The following RHEB variants were observed in gnomAD, a reference collection of about 807,000 sequenced individuals.
RHEB encodes the protein GTP-binding protein Rheb.
RHEB carries 2 observed loss-of-function variants against 28.8 expected under a neutral mutation model. The ratio of observed to expected loss-of-function variants is 0.07; its 90% CI spans 0.03 to 0.22. The LOEUF (loss-of-function observed/expected upper bound fraction) is 0.22, where lower values mean the gene tolerates loss of function less well. Among genes scored for constraint, RHEB ranks in the 10% least tolerant of loss-of-function variants. RHEB has a pLI of 1.00. For synonymous variants in RHEB, 69 were observed against 77.3 expected, an observed-to-expected ratio of 0.89 and a Z score of 0.56; for missense variants, 76 against 219.9, an observed-to-expected ratio of 0.35 and a Z score of 4.14.
At chr7:151,511,784 G>A (rs1163361428) in intron 1 of RHEB, among the ~76,000 whole-genome samples, 2 of 151,810 alleles carry the variant, frequency 1.3e-5, no homozygotes, top group Non-Finnish European at 2.9e-5. Flanking sequence ...CCTAGTAGCT[G>A]GGATTACAGG....
At chr7:151,481,317 C>T (rs963125234) in intron 3 of RHEB, among the ~76,000 whole-genome samples, 2 of 151,974 alleles carry the variant, frequency 1.3e-5, no homozygotes, top group Non-Finnish European at 2.9e-5. Flanking sequence ...ATGGATGTAC[C>T]GACATAAACT....
At chr7:151,486,297 G>A (rs1802472554) in intron 2 of RHEB, among the ~76,000 whole-genome samples, 1 of 152,190 alleles carries the variant, frequency 6.6e-6, no homozygotes, top group African/African-American at 2.4e-5. Flanking sequence ...CAAGGTTACT[G>A]AAAGGAAACA....
At chr7:151,487,902 A>C (rs780296461) in intron 2 of RHEB, among the ~76,000 whole-genome samples, 2 of 152,150 alleles carry the variant, frequency 1.3e-5, no homozygotes, top group Non-Finnish European at 2.9e-5. Flanking sequence ...AGGTTTCCAA[A>C]ATTTGGTGTT....
At chr7:151,485,579 C>T (rs1802457396) in intron 2 of RHEB, among the ~76,000 whole-genome samples, 1 of 152,184 alleles carries the variant, frequency 6.6e-6, no homozygotes. Context: ...CACCATGAGT[C>T]CTCCAATCTC....
intron 7 of RHEB, among the ~76,000 whole-genome samples, chr7:151,469,733 G>T (rs1365836909): frequency 6.6e-6 from 1 of 152,206 alleles, no homozygotes; most frequent in Non-Finnish European, 1.5e-5. Context: ...GTGGACAGGA[G>T]ATGGTGTGTT....
intron 4 of RHEB, among the ~76,000 whole-genome samples, chr7:151,474,692 C>A (rs936149798): frequency 6.6e-6 from 1 of 152,064 alleles, no homozygotes; most frequent in Non-Finnish European, 1.5e-5. Flanking sequence ...GATGTATTTT[C>A]GCTTTATTTA....
chr7:151,511,687 T>C (rs1231358725), intron 1 of RHEB, among the ~76,000 whole-genome samples: 1 of 149,532 alleles, frequency 6.7e-6, no homozygotes, highest in East Asian at 2.0e-4. Context: ...TGAGATGGAG[T>C]CTTGCTCTGT....
chr7:151,470,161 G>A (rs1802135030), intron 7 of RHEB: 3 of 153,518 alleles, frequency 2.0e-5, no homozygotes, highest in South Asian at 2.0e-4. Flanking sequence ...CAATTAACAC[G>A]TACGTCTGAC....
chr7:151,474,017 C>T (rs1043780879), intron 4 of RHEB, among the ~76,000 whole-genome samples: 20 of 152,138 alleles, frequency 1.3e-4, no homozygotes, highest in African/African-American at 4.3e-4. Flanking sequence ...ATGGACAAAT[C>T]GTGGATGTAG....
intron 1 of RHEB, among the ~76,000 whole-genome samples, chr7:151,504,736 T>TA: frequency 6.6e-6 from 1 of 152,048 alleles, no homozygotes; most frequent in East Asian, 1.9e-4. Context: ...AACTATAGGA[T>TA]AAAAACCACA....
chr7:151,499,557 C>T (rs1584862037), intron 1 of RHEB, among the ~76,000 whole-genome samples: 1 of 152,094 alleles, frequency 6.6e-6, no homozygotes, highest in Admixed American at 6.5e-5. Context: ...AGCACAGTAC[C>T]TGGCACCCAT....
chr7:151,513,754 G>A lies in RHEB; in HGVS notation c.52+5706C>T, dbSNP rs889491276. Among the ~76,000 whole-genome samples the A allele has an allele frequency of 5.9e-5, 9 of 152,240 alleles. No homozygotes were observed. The East Asian group carries it at 1.5e-3, about 26-fold the overall frequency. ...TTCAACTACCTGAAAAACTATTCAA[G>A]TACTCCTTACTTCATTAAAATAACG... is the stretch of plus-strand genomic sequence containing the variant. On this transcript the variant is annotated intron_variant, in intron 1 of 7. Coordinates refer to ENST00000262187, the MANE Select transcript of RHEB (RefSeq NM_005614.4).
At position 151,467,274 on chromosome 7, in the gene RHEB, C is replaced by T. The variant is rs142694904; in HGVS notation, c.463-63G>A. On this transcript the variant is annotated intron_variant, in intron 7 of 7. Coordinates refer to ENST00000262187, the MANE Select transcript of RHEB (RefSeq NM_005614.4). ...GAAGCCGAACTCCGAGAGTATTTTA[C>T]GGACTGAGGAGGGCGTGCCGCCTGC... 3.9e-3 allele frequency: 4,833 copies of T among 1,254,492 alleles called. 17 individuals are homozygous for T. The highest frequency in any genetic ancestry group is 5.0e-3 in the Non-Finnish European group (4,276 of 856,878). 77.7% of individuals were successfully genotyped at this position (1,254,492 alleles called of 1,614,324 possible).
chr7:151,486,128 G>A (rs753478273), intron 2 of RHEB, among the ~76,000 whole-genome samples: 9 of 152,208 alleles, frequency 5.9e-5, no homozygotes, highest in African/African-American at 9.7e-5. Flanking sequence ...GTCAGCCAGG[G>A]TGCAGTCACT....
In RHEB at chr7:151,475,183, A is replaced by G. The variant is rs1294440527; in HGVS notation, c.275+2150T>C. ...CACTTTCATATTTTTAATCCAGCTCAATGTATTTTTCAATTTCCCCAGTGG... is the reference window on the plus strand; with the variant it reads ...CACTTTCATATTTTTAATCCAGCTCGATGTATTTTTCAATTTCCCCAGTGG... On this transcript the variant is annotated intron_variant, in intron 4 of 7. Transcript: ENST00000262187. 2.6e-5 allele frequency among the ~76,000 whole-genome samples: 4 copies of G among 152,188 alleles called. 1 individual carries two copies. Among genetic ancestry groups the G allele is most frequent in the Admixed American group, 6.5e-5 (1 of 15,278 alleles).
chr7:151,499,218 C>T (rs1802727760), intron 1 of RHEB, among the ~76,000 whole-genome samples: 1 of 152,038 alleles, frequency 6.6e-6, no homozygotes, highest in African/African-American at 2.4e-5. Context: ...AATAGCTGGG[C>T]GTGGTGGCAC....
intron 4 of RHEB, among the ~76,000 whole-genome samples, chr7:151,474,932 A>G (rs1387530540): frequency 2.0e-5 from 3 of 152,278 alleles, no homozygotes; most frequent in Admixed American, 1.3e-4. Context: ...CTAAAAAACA[A>G]AACACCACTC....
At chr7:151,501,784 C>G (rs1246233982) in intron 1 of RHEB, 1 of 325,362 alleles carries the variant, frequency 3.1e-6, no homozygotes, top group Non-Finnish European at 6.0e-6. Flanking sequence ...TGTGAGCGCA[C>G]TGCAACACAT....
intron 1 of RHEB, among the ~76,000 whole-genome samples, chr7:151,511,891 T>A (rs1008991696): frequency 6.6e-6 from 1 of 152,176 alleles, no homozygotes; most frequent in Non-Finnish European, 1.5e-5. Flanking sequence ...CCTCAGGTGA[T>A]CCACTCGCCT....
Sources: allele counts gnomAD v4.1 joint callset (sites outside exome capture counted in the v4.1 genomes callset), GRCh38; gene constraint gnomAD v4.1.1; transcripts MANE v1.5; gene names NCBI Gene and HGNC (gene_info 2026-07-23, HGNC 2026-07-21).